Variants in SLC13A3 observed in about 807,000 individuals in gnomAD.
The protein encoded by SLC13A3 is Na(+)/dicarboxylate cotransporter 3.
Under a neutral mutation model 59.0 loss-of-function variants are expected in SLC13A3, and 40 were observed. The ratio of observed to expected loss-of-function variants is 0.68; its 90% CI spans 0.53 to 0.88. The LOEUF is 0.88. Ranked by LOEUF, SLC13A3 falls within the 40% of genes least tolerant of loss-of-function variation. SLC13A3 has a pLI of 0.00. For synonymous variants in SLC13A3, 317 were observed against 330.3 expected (o/e 0.96, Z 0.44); for missense variants, 699 against 783.2 (o/e 0.89, Z 1.28).
chr20:46,650,881 A>G (rs1201666801), intron 1 of SLC13A3, among the ~76,000 whole-genome samples: 3 of 152,226 alleles, frequency 2.0e-5, no homozygotes. Flanking sequence ...CCTGGACAAC[A>G]TAGTGAGACC....
At chr20:46,561,501 A>T (rs984711065) in intron 12 of SLC13A3, among the ~76,000 whole-genome samples, 4 of 152,180 alleles carry the variant, frequency 2.6e-5, no homozygotes, top group Non-Finnish European at 5.9e-5. Context: ...AACCTTCTCC[A>T]GGCAGCTGCT....
At chr20:46,571,919 C>T (rs886530562) in intron 10 of SLC13A3, among the ~76,000 whole-genome samples, 1 of 151,980 alleles carries the variant, frequency 6.6e-6, no homozygotes, top group Non-Finnish European at 1.5e-5. Flanking sequence ...AGGAAGGGGC[C>T]AAGGAGACTG....
chr20:46,641,390 G>A (rs6124840), intron 1 of SLC13A3, among the ~76,000 whole-genome samples: 7,105 of 152,204 alleles, frequency 0.047, 254 homozygotes, highest in East Asian at 0.21. Flanking sequence ...CAGCCAAGGG[G>A]GAGAGGCAGA....
chr20:46,608,402 A>G (rs1376681547), intron 3 of SLC13A3, among the ~76,000 whole-genome samples: 1 of 152,192 alleles, frequency 6.6e-6, no homozygotes, highest in Non-Finnish European at 1.5e-5. Context: ...AGAGTGGCCC[A>G]CAAAGCCTGC....
intron 1 of SLC13A3, among the ~76,000 whole-genome samples, chr20:46,633,399 A>T (rs1600590772): frequency 6.6e-6 from 1 of 152,212 alleles, no homozygotes; most frequent in African/African-American, 2.4e-5. Flanking sequence ...TCCACCACTT[A>T]TAAGCCACCA....
Position 46,560,288 on chromosome 20 carries a change from C to A in SLC13A3, c.1633-90G>T, listed in dbSNP as rs78133900. On this transcript the variant is annotated intron_variant, in intron 12 of 12. Transcript: ENST00000279027. ...AGACTCAGAGACAGGAAGTCACTCA[C>A]CCAAGATCGCACAGCCAGGAAGTGA... The A allele has an allele frequency of 4.6e-3, 5,910 of 1,273,060 alleles. 127 individuals carry two copies. The East Asian group carries it at 0.056, about 12-fold the overall frequency. The allele number at this position is 1,273,060 out of a possible 1,614,324, so 78.9% of individuals were successfully genotyped here. A position where few individuals can be genotyped will look rare whatever the true frequency, so the allele number is the denominator to read the frequency against.
chr20:46,581,698 A>G (rs760135515), intron 9 of SLC13A3, among the ~76,000 whole-genome samples: 4 of 152,208 alleles, frequency 2.6e-5, no homozygotes, highest in Non-Finnish European at 5.9e-5. Context: ...AATAGAAAAC[A>G]TGAGGAAGTG....
At chr20:46,664,343 C>T (rs1023487438) in intron 1 of SLC13A3, among the ~76,000 whole-genome samples, 1 of 152,294 alleles carries the variant, frequency 6.6e-6, no homozygotes, top group East Asian at 1.9e-4. Flanking sequence ...AATCTTGACA[C>T]CCAACAGCTT....
intron 1 of SLC13A3, among the ~76,000 whole-genome samples, chr20:46,664,290 C>T (rs1600628491): frequency 2.0e-5 from 3 of 152,316 alleles, no homozygotes; most frequent in East Asian, 1.9e-4. Flanking sequence ...CTTTTTATCA[C>T]ATCACGTCTA....
Position 46,563,429 on chromosome 20 carries a change from C to A in SLC13A3, c.1617G>T (p.Leu539Phe). ...PNSIAFASGHLLVKDMVRTGL... is the reference protein window; with the variant it reads ...PNSIAFASGHFLVKDMVRTGL... ...CCAGACTCACCATGTCTTTGACCAG[C>A]AAGTGTCCAGAGGCGAAGGCGATGG... The change falls in exon 12 of 13, where the codon TTG becomes TTT. Residue 539 changes from leucine to phenylalanine, a missense_variant. Leu to Phe is a conservative substitution (Grantham distance 22). Coordinates refer to ENST00000279027, the MANE Select transcript of SLC13A3 (RefSeq NM_022829.6). 1 of 1,613,842 alleles carries A rather than the reference C, an allele frequency of 6.2e-7. No individual in the cohort carries two copies. Among genetic ancestry groups the A allele is most frequent in the Non-Finnish European group, 8.5e-7 (1 of 1,179,906 alleles).
At chr20:46,587,777 G>A (rs542732490) in intron 8 of SLC13A3, among the ~76,000 whole-genome samples, 11 of 152,282 alleles carry the variant, frequency 7.2e-5, no homozygotes, top group East Asian at 1.9e-4. Context: ...ATGAATGAAC[G>A]ATTTGCTCAG....
At position 46,648,434 on chromosome 20, in the gene SLC13A3, T is replaced by A. The variant is rs547629282; in HGVS notation, c.111+2877A>T. Among the ~76,000 whole-genome samples the A allele has an allele frequency of 7.9e-5, 12 of 152,140 alleles. No homozygotes were observed. The South Asian group carries it at 2.5e-3, about 32-fold the overall frequency. On this transcript the variant is annotated intron_variant, in intron 1 of 12. Coordinates refer to ENST00000279027, the MANE Select transcript of SLC13A3 (RefSeq NM_022829.6). Reference sequence around the variant, plus strand: ...GAGGCTTCAGGTATGCCAACAGAGATTTTGAGGGAGGCGAAGGTCCTCCAA... The same window carrying A: ...GAGGCTTCAGGTATGCCAACAGAGAATTTGAGGGAGGCGAAGGTCCTCCAA...
At chr20:46,583,478 G>A in intron 9 of SLC13A3, 94 bp downstream of exon 9, 4 of 1,542,492 alleles carry the variant, frequency 2.6e-6, no homozygotes, top group Non-Finnish European at 3.5e-6. Flanking sequence ...GGACCACGTG[G>A]TTAGTGCAGT....
chr20:46,583,298 A>T, intron 9 of SLC13A3: 6 of 861,078 alleles, frequency 7.0e-6, no homozygotes, highest in Non-Finnish European at 8.8e-6. Context: ...TTTTTCAACC[A>T]TTTAAAAATC....
intron 1 of SLC13A3, among the ~76,000 whole-genome samples, chr20:46,637,418 C>T (rs2062806377): frequency 1.3e-5 from 2 of 152,184 alleles, no homozygotes; most frequent in African/African-American, 2.4e-5. Context: ...TTCCCAGCAG[C>T]CCCTAGGAGA....
At chr20:46,560,946 A>G (rs1568905352) in intron 12 of SLC13A3, among the ~76,000 whole-genome samples, 2 of 152,188 alleles carry the variant, frequency 1.3e-5, no homozygotes, top group Non-Finnish European at 2.9e-5. Flanking sequence ...CTTTCTGTCT[A>G]TTCCTCCCAG....
At chr20:46,613,934 C>G in intron 1 of SLC13A3, 1 of 486,228 alleles carries the variant, frequency 2.1e-6, no homozygotes, top group Non-Finnish European at 3.6e-6. Flanking sequence ...GTGGCATCAC[C>G]TTTCTAAGCC....
chr20:46,639,721 A>G (rs1010898200), intron 1 of SLC13A3, among the ~76,000 whole-genome samples: 1 of 152,212 alleles, frequency 6.6e-6, no homozygotes, highest in Non-Finnish European at 1.5e-5. Context: ...CTGAACCACA[A>G]AAGAGTTTGG....
chr20:46,591,546 G>A lies in SLC13A3; in HGVS notation c.920+858C>T, dbSNP rs371283318. ...TCTGGCTCAAGTCTCTGGGTCTGAA[G>A]CTTGCTCTTTCTTCGTTTAGAGGTT... On this transcript the variant is annotated intron_variant, in intron 6 of 12. Coordinates refer to ENST00000279027, the MANE Select transcript of SLC13A3 (RefSeq NM_022829.6). 3.9e-4 allele frequency among the ~76,000 whole-genome samples: 60 copies of A among 152,302 alleles called. No homozygotes were observed. The South Asian group carries it at 0.012, about 29-fold the overall frequency.
Sources: allele counts gnomAD v4.1 joint callset (sites outside exome capture counted in the v4.1 genomes callset), GRCh38; gene constraint gnomAD v4.1.1; transcripts MANE v1.5; gene names NCBI Gene and HGNC (gene_info 2026-07-23, HGNC 2026-07-21).